The following DCLK1 variants were observed in gnomAD, a reference collection of about 807,000 sequenced individuals.
The protein encoded by DCLK1 is serine/threonine-protein kinase DCLK1.
Under a neutral mutation model 86.2 loss-of-function variants are expected in DCLK1, and 16 were observed. The ratio of observed to expected loss-of-function variants is 0.19; its 90% CI spans 0.13 to 0.28. DCLK1 has a LOEUF of 0.28. Among genes scored for constraint, DCLK1 ranks in the 10% least tolerant of loss-of-function variants. The pLI, the probability that DCLK1 is intolerant of heterozygous loss-of-function variation, is 1.00. For missense variants in DCLK1, 590 were observed against 940.2 expected (o/e 0.63, Z 4.87); for synonymous variants, 369 against 370.5 (o/e 1.00, Z 0.05).
At position 36,069,883 on chromosome 13, in the gene DCLK1, A is replaced by T. The variant is rs1161315285; in HGVS notation, c.723+41986T>A. 1.9e-4 allele frequency among the ~76,000 whole-genome samples: 29 copies of T among 152,290 alleles called. No homozygotes were observed. The East Asian group carries it at 4.8e-3, about 25-fold the overall frequency. On this transcript the variant is annotated intron_variant, in intron 3 of 16. Coordinates refer to ENST00000360631, the MANE Select transcript of DCLK1 (RefSeq NM_001330071.2). ...TGCTATACCTTAAAATTAACACTAG[A>T]GCAACAGCATCCATCAGCGATAGGA...
At chr13:36,074,298 C>A (rs1221821874) in intron 3 of DCLK1, among the ~76,000 whole-genome samples, 1 of 151,654 alleles carries the variant, frequency 6.6e-6, no homozygotes, top group Non-Finnish European at 1.5e-5. Flanking sequence ...GTCAGGAGAT[C>A]GAGACCTTCC....
chr13:35,836,800 A>C (rs1869417694), intron 7 of DCLK1, among the ~76,000 whole-genome samples: 1 of 152,216 alleles, frequency 6.6e-6, no homozygotes, highest in Non-Finnish European at 1.5e-5. Flanking sequence ...TAGTGCCACT[A>C]ACACAACACA....
intron 6 of DCLK1, among the ~76,000 whole-genome samples, chr13:35,845,496 C>A (rs562971243): frequency 3.3e-5 from 5 of 152,102 alleles, no homozygotes; most frequent in Non-Finnish European, 7.3e-5. Context: ...ATTTTTTCCC[C>A]TGCAAATTAG....
intron 3 of DCLK1, among the ~76,000 whole-genome samples, chr13:36,074,468 CAAAAAAAAAAAAAAAA>C (rs768865436): frequency 8.4e-4 from 67 of 79,346 alleles, no homozygotes; most frequent in Non-Finnish European, 1.2e-3. Context: ...GACTCCGTCT[CAAAAAAAAAAAAAAAA>C]AAAAAAAAAA....
intron 11 of DCLK1, among the ~76,000 whole-genome samples, chr13:35,820,435 T>C (rs1242168403): frequency 6.6e-6 from 1 of 152,096 alleles, no homozygotes; most frequent in Non-Finnish European, 1.5e-5. Flanking sequence ...TAAAGTAAAA[T>C]ATATTTGAAT....
intron 3 of DCLK1, among the ~76,000 whole-genome samples, chr13:35,964,838 T>C: frequency 6.6e-6 from 1 of 150,524 alleles, no homozygotes; most frequent in South Asian, 2.1e-4. Flanking sequence ...GTAAAAATGG[T>C]AGGAAATTCA....
At chr13:35,913,266 G>A (rs1198727073) in intron 4 of DCLK1, among the ~76,000 whole-genome samples, 3 of 152,144 alleles carry the variant, frequency 2.0e-5, no homozygotes, top group African/African-American at 7.2e-5. Context: ...TTAATGCAGG[G>A]TCCCATGATA....
At chr13:35,991,581 T>A (rs1482597945) in intron 3 of DCLK1, among the ~76,000 whole-genome samples, 1 of 152,146 alleles carries the variant, frequency 6.6e-6, no homozygotes, top group Non-Finnish European at 1.5e-5. Context: ...GGAGGATCAC[T>A]TGAGCCTAAG....
At chr13:35,986,295 C>T (rs554822239) in intron 3 of DCLK1, among the ~76,000 whole-genome samples, 80 of 99,980 alleles carry the variant, frequency 8.0e-4, no homozygotes, top group Non-Finnish European at 1.5e-3. Context: ...GAGTGGACTC[C>T]GTCTCAAAAA....
chr13:36,081,424 T>TA (rs1008784005), intron 3 of DCLK1, among the ~76,000 whole-genome samples: 1 of 151,760 alleles, frequency 6.6e-6, no homozygotes, highest in East Asian at 1.9e-4. Context: ...GTCACATATA[T>TA]AAAAAAAATT....
At chr13:36,057,734 T>C (rs1156749427) in intron 3 of DCLK1, among the ~76,000 whole-genome samples, 1 of 152,216 alleles carries the variant, frequency 6.6e-6, no homozygotes, top group Non-Finnish European at 1.5e-5. Context: ...AGCATGGCTT[T>C]TAGTTTGCAG....
intron 3 of DCLK1, among the ~76,000 whole-genome samples, chr13:36,108,283 C>T (rs1214673486): frequency 2.0e-5 from 3 of 152,206 alleles, no homozygotes; most frequent in Non-Finnish European, 4.4e-5. Flanking sequence ...GGTTTGCTCA[C>T]ACATAGGCTG....
At chr13:35,784,848 A>G (rs1401939081) in intron 16 of DCLK1, among the ~76,000 whole-genome samples, 1 of 152,104 alleles carries the variant, frequency 6.6e-6, no homozygotes, top group Non-Finnish European at 1.5e-5. Flanking sequence ...CTTCTGGCCG[A>G]GGCGGGCCCT....
chr13:35,861,234 T>C (rs1230236889), intron 5 of DCLK1, among the ~76,000 whole-genome samples: 1 of 150,370 alleles, frequency 6.7e-6, no homozygotes, highest in Non-Finnish European at 1.5e-5. Flanking sequence ...TGATTTGGGG[T>C]ACAAGAAAAA....
Position 35,913,425 on chromosome 13 carries a change from A to G in DCLK1, c.823+33933T>C, listed in dbSNP as rs1360160669. On this transcript the variant is annotated intron_variant, in intron 4 of 16. Transcript: ENST00000360631. ...TGAATACTTTCCTGAAACCATGTCC[A>G]ACCACAAATGCTCAAATGCAATTCT... Among the ~76,000 whole-genome samples, 3 of 152,118 alleles carry G rather than the reference A, an allele frequency of 2.0e-5. No homozygotes were observed. In the East Asian group the frequency reaches 5.8e-4, roughly 29 times the overall value.
intron 4 of DCLK1, among the ~76,000 whole-genome samples, chr13:35,898,731 G>A (rs922332502): frequency 1.3e-5 from 2 of 152,048 alleles, no homozygotes; most frequent in Non-Finnish European, 2.9e-5. Context: ...TCTTGAACAT[G>A]GTGGGTTTTT....
At chr13:36,013,978 C>T (rs1003381557) in intron 3 of DCLK1, among the ~76,000 whole-genome samples, 4 of 152,016 alleles carry the variant, frequency 2.6e-5, no homozygotes, top group Admixed American at 6.6e-5. Context: ...TCGCCAGGTG[C>T]GTCCGTCACC....
intron 4 of DCLK1, among the ~76,000 whole-genome samples, chr13:35,890,242 C>A (rs1873561057): frequency 6.6e-6 from 1 of 151,900 alleles, no homozygotes; most frequent in African/African-American, 2.4e-5. Flanking sequence ...CTGGTCTGTC[C>A]TAAAAGGTCA....
At chr13:36,091,402 C>T (rs148068782) in intron 3 of DCLK1, among the ~76,000 whole-genome samples, 75 of 152,248 alleles carry the variant, frequency 4.9e-4, no homozygotes, top group African/African-American at 1.8e-3. Context: ...AAAAAATGCT[C>T]ATCTTCTGGG....
Sources: gnomAD v4.1 joint callset for allele counts (sites outside exome capture counted in the v4.1 genomes callset) on GRCh38, gnomAD v4.1.1 for gene constraint, MANE v1.5 for transcripts, NCBI Gene and HGNC (gene_info 2026-07-23, HGNC 2026-07-21) for gene names.